SLC17A8: variants seen among roughly 807,000 people sequenced by gnomAD.
SLC17A8 encodes vesicular glutamate transporter 3.
SLC17A8 carries 31 observed loss-of-function variants against 58.0 expected under a neutral mutation model. The ratio of observed to expected loss-of-function variants is 0.53; its 90% CI spans 0.40 to 0.72. The LOEUF is 0.72. SLC17A8 is among the 30% of genes least tolerant of loss of function. The probability of loss-of-function intolerance (pLI) is 0.00; values close to 1 mark genes in which losing one functional copy is unlikely to be tolerated. For synonymous variants in SLC17A8, 228 were observed against 249.0 expected, an observed-to-expected ratio of 0.92 and a Z score of 0.79; for missense variants, 655 against 727.8, an observed-to-expected ratio of 0.90 and a Z score of 1.15.
intron 2 of SLC17A8, among the ~76,000 whole-genome samples, chr12:100,382,433 T>C (rs1022158535): frequency 2.2e-4 from 33 of 152,316 alleles, no homozygotes; most frequent in African/African-American, 7.7e-4. Context: ...ACTGAGGTTA[T>C]GGGGTAAAAG....
intron 2 of SLC17A8, among the ~76,000 whole-genome samples, chr12:100,381,201 CTG>C (rs1394980032): frequency 6.6e-6 from 1 of 152,122 alleles, no homozygotes; most frequent in Non-Finnish European, 1.5e-5. Context: ...CCTGAGGAAA[CTG>C]TTGACTGCAG....
chr12:100,393,324 T>C, intron 3 of SLC17A8, 45 bp from the exon 4 acceptor site: 1 of 1,298,412 alleles, frequency 7.7e-7, no homozygotes, highest in Non-Finnish European at 1.1e-6. Flanking sequence ...AAGTAGCACA[T>C]CCATCAGCAG....
chr12:100,373,774 G>A (rs1455590464), intron 1 of SLC17A8, among the ~76,000 whole-genome samples: 4 of 151,638 alleles, frequency 2.6e-5, no homozygotes, highest in Non-Finnish European at 4.4e-5. Flanking sequence ...TAGTAGAGAC[G>A]GGGTTTCATT....
intron 1 of SLC17A8, among the ~76,000 whole-genome samples, chr12:100,366,750 A>G (rs950064569): frequency 6.6e-6 from 1 of 152,206 alleles, no homozygotes; most frequent in Admixed American, 6.5e-5. Context: ...CTGCCCATTC[A>G]TCAGCTCTTT....
chr12:100,373,486 G>A (rs904149897), intron 1 of SLC17A8, among the ~76,000 whole-genome samples: 2 of 151,910 alleles, frequency 1.3e-5, no homozygotes, highest in South Asian at 2.1e-4. Flanking sequence ...ATTGCTTCCA[G>A]GCACGATGCT....
At chr12:100,393,948 A>G (rs1053172700) in intron 4 of SLC17A8, among the ~76,000 whole-genome samples, 4 of 152,346 alleles carry the variant, frequency 2.6e-5, no homozygotes, top group Admixed American at 6.5e-5. Flanking sequence ...TGTCTGTTGC[A>G]TCTACTCAAC....
chr12:100,378,794 T>C (rs1952612231), intron 1 of SLC17A8, among the ~76,000 whole-genome samples: 1 of 152,152 alleles, frequency 6.6e-6, no homozygotes, highest in Admixed American at 6.5e-5. Flanking sequence ...ATGGTTAGGT[T>C]CTTTTCCAAT....
In SLC17A8 at chr12:100,396,394, G is replaced by A. The variant is rs1336133068; in HGVS notation, c.653G>A (p.Arg218Gln). 2.2e-5 allele frequency: 35 copies of A among 1,613,866 alleles called. No individual in the cohort carries two copies. The highest frequency in any genetic ancestry group is 3.3e-5 in the Admixed American group (2 of 59,992). ...TGGGCACCACCTTTGGAGAGAAGCC[G>A]ACTGGCCACAACCTCTTTTTGTGGT... The part of the protein sequence containing the change: ...SKWAPPLERS[R>Q]LATTSFCGSY... Residue 218 changes from arginine to glutamine, a missense_variant, in exon 5 of 12, where the codon CGA becomes CAA. Physicochemically the swap from Arg to Gln is conservative, Grantham distance 43. Transcript: ENST00000323346.
At chr12:100,397,843 C>T (rs779401102) in intron 5 of SLC17A8, among the ~76,000 whole-genome samples, 5 of 151,432 alleles carry the variant, frequency 3.3e-5, no homozygotes, top group Non-Finnish European at 5.9e-5. Flanking sequence ...CTCAGGAGGC[C>T]AAGGTGGGAG....
intron 2 of SLC17A8, among the ~76,000 whole-genome samples, chr12:100,386,426 T>C (rs1458161323): frequency 6.6e-5 from 10 of 152,182 alleles, no homozygotes; most frequent in Non-Finnish European, 1.5e-5. Context: ...TTCATTTTGC[T>C]TGACTGAAAC....
intron 1 of SLC17A8, among the ~76,000 whole-genome samples, chr12:100,363,524 G>A (rs1952498235): frequency 6.6e-6 from 1 of 152,004 alleles, no homozygotes. Flanking sequence ...CCACCACCAT[G>A]CCCGGCTAAT....
intron 9 of SLC17A8, among the ~76,000 whole-genome samples, chr12:100,407,073 C>T (rs1184177296): frequency 6.6e-6 from 1 of 152,128 alleles, no homozygotes; most frequent in East Asian, 1.9e-4. Flanking sequence ...TTAAATGATA[C>T]AACGTATGAA....
chr12:100,411,921 G>A (rs1404909498), intron 9 of SLC17A8, among the ~76,000 whole-genome samples: 1 of 152,024 alleles, frequency 6.6e-6, no homozygotes, highest in East Asian at 1.9e-4. Context: ...GCTTTACAAG[G>A]GGTGAAGTGC....
Position 100,405,377 on chromosome 12 carries a change from T to C in SLC17A8, c.1186+1207T>C, listed in dbSNP as rs564620568. 5.3e-5 allele frequency among the ~76,000 whole-genome samples: 8 copies of C among 152,268 alleles called. No homozygotes were observed. In the East Asian group the frequency reaches 1.4e-3, roughly 26 times the overall value. ...CTCAGAAGCTGTGAATATGTTTCCT[T>C]ACATGTCAAAAGGGACTTTGCAGGT... On this transcript the variant is annotated intron_variant, in intron 9 of 11. Transcript: ENST00000323346.
intron 1 of SLC17A8, among the ~76,000 whole-genome samples, chr12:100,368,474 C>A (rs1344885707): frequency 6.6e-6 from 1 of 152,198 alleles, no homozygotes; most frequent in African/African-American, 2.4e-5. Context: ...GCTACATTCA[C>A]AGGTATCGGG....
At chr12:100,367,805 A>G (rs1393821623) in intron 1 of SLC17A8, among the ~76,000 whole-genome samples, 1 of 152,182 alleles carries the variant, frequency 6.6e-6, no homozygotes, top group Non-Finnish European at 1.5e-5. Flanking sequence ...CTCCCACCTC[A>G]GCCTGCCAAA....
intron 1 of SLC17A8, among the ~76,000 whole-genome samples, chr12:100,363,349 A>G (rs1952496993): frequency 6.6e-6 from 1 of 152,010 alleles, no homozygotes; most frequent in East Asian, 1.9e-4. Flanking sequence ...GGCACACAGC[A>G]CCATATCATA....
At chr12:100,363,904 G>A (rs1051008738) in intron 1 of SLC17A8, among the ~76,000 whole-genome samples, 1 of 151,894 alleles carries the variant, frequency 6.6e-6, no homozygotes, top group South Asian at 2.1e-4. Flanking sequence ...ATTGCCAGGC[G>A]TGGTGGTGGG....
At position 100,379,391 on chromosome 12, in the gene SLC17A8, G is replaced by A. The variant is rs117643219; in HGVS notation, c.102-1310G>A. 6.7e-3 allele frequency among the ~76,000 whole-genome samples: 963 copies of A among 144,476 alleles called. 50 individuals carry two copies. In the East Asian group the frequency reaches 0.14, roughly 20 times the overall value. 94.8% of individuals were successfully genotyped at this position (144,476 alleles called of 152,430 possible). A position where few individuals can be genotyped will look rare whatever the true frequency, so the allele number is the denominator to read the frequency against. On this transcript the variant is annotated intron_variant, in intron 1 of 11. Coordinates refer to ENST00000323346, the MANE Select transcript of SLC17A8 (RefSeq NM_139319.3). ...CAGAGATTGCAGTGAGCCGAGAATC[G>A]TGCCACTGCACTCCAGCCTGGCAAC...
Sources: allele counts gnomAD v4.1 joint callset (sites outside exome capture counted in the v4.1 genomes callset), GRCh38; gene constraint gnomAD v4.1.1; transcripts MANE v1.5; gene names NCBI Gene and HGNC (gene_info 2026-07-23, HGNC 2026-07-21).